The following ARFGEF3 variants were observed in gnomAD, a reference collection of about 807,000 sequenced individuals.
The protein encoded by ARFGEF3 is ARFGEF family member 3.
ARFGEF3 carries 96 observed loss-of-function variants against 221.7 expected under a neutral mutation model. The ratio of observed to expected loss-of-function variants is 0.43; its 90% CI spans 0.37 to 0.51. The LOEUF (loss-of-function observed/expected upper bound fraction) is 0.51. Among genes scored for constraint, ARFGEF3 ranks in the 20% least tolerant of loss-of-function variants. ARFGEF3 has a pLI of 0.00. For missense variants in ARFGEF3, 2,410 were observed against 2,789.9 expected (o/e 0.86, Z 3.07); for synonymous variants, 1,145 against 1,126.8 (o/e 1.02, Z -0.32).
rs374452864 is a variant in ARFGEF3, at chr6:138,263,097, G to T, written c.1614G>T (p.Ser538=). 53 of 1,613,684 alleles carry T rather than the reference G, an allele frequency of 3.3e-5. No homozygotes were observed. The South Asian group carries it at 5.1e-4, about 15-fold the overall frequency. ...GAAACCACAAGAACAGTCTCAAGTCGCCAGCCATCCCAGAGGGTAAGGAGA... is the reference window on the plus strand; with the variant it reads ...GAAACCACAAGAACAGTCTCAAGTCTCCAGCCATCCCAGAGGGTAAGGAGA... ...HSGNHKNSLK[S]PAIPEGKETL... is the part of the protein sequence containing the mutation. The change falls in exon 12 of 34, where the codon TCG becomes TCT. Residue 538 remains serine, a synonymous_variant. Transcript: ENST00000251691.
intron 9 of ARFGEF3, among the ~76,000 whole-genome samples, chr6:138,254,418 C>CAA (rs565207623): frequency 9.4e-6 from 1 of 106,114 alleles, no homozygotes; most frequent in Admixed American, 9.7e-5. Context: ...GACTCTGTCC[C>CAA]AAAAAAAAAA....
chr6:138,274,061 C>T (rs1779050949), intron 12 of ARFGEF3, among the ~76,000 whole-genome samples: 1 of 152,204 alleles, frequency 6.6e-6, no homozygotes, highest in African/African-American at 2.4e-5. Context: ...GGCTTCCTCA[C>T]TTCTCTGCTG....
At chr6:138,187,832 C>A (rs527255564) in intron 2 of ARFGEF3, among the ~76,000 whole-genome samples, 2 of 152,258 alleles carry the variant, frequency 1.3e-5, no homozygotes, top group East Asian at 3.9e-4. Context: ...AGTCACCCTA[C>A]TAAAAAGGCA....
At chr6:138,168,399 C>T (rs1048457822) in intron 1 of ARFGEF3, among the ~76,000 whole-genome samples, 5 of 152,208 alleles carry the variant, frequency 3.3e-5, no homozygotes, top group African/African-American at 1.2e-4. Flanking sequence ...AGCAAGGAGC[C>T]AGGGGGCTGG....
intron 22 of ARFGEF3, among the ~76,000 whole-genome samples, chr6:138,302,648 T>C (rs1235830016): frequency 1.3e-5 from 2 of 152,208 alleles, no homozygotes; most frequent in Non-Finnish European, 2.9e-5. Context: ...AGAGAAAGAC[T>C]ACATTACTAC....
chr6:138,206,175 A>G (rs1054655330), intron 2 of ARFGEF3, among the ~76,000 whole-genome samples: 9 of 152,222 alleles, frequency 5.9e-5, no homozygotes, highest in African/African-American at 2.2e-4. Context: ...GTGCCAGTGT[A>G]ACTCCATAGG....
chr6:138,323,632 C>G, intron 29 of ARFGEF3, 39 bp from the exon 30 acceptor site: 1 of 1,528,794 alleles, frequency 6.5e-7, no homozygotes, highest in South Asian at 1.1e-5. Context: ...ACAACAACAA[C>G]AACAAAAAAA....
Position 138,287,175 on chromosome 6 carries a change from A to G in ARFGEF3, c.2887A>G (p.Ile963Val). The G allele has an allele frequency of 6.4e-7, 1 of 1,561,466 alleles. No homozygotes were observed. The highest frequency in any genetic ancestry group is 1.9e-5 in the Admixed American group (1 of 52,018). The stretch of plus-strand genomic sequence containing the variant: ...GGAGGCCCAAGAACCCAGTGATGCC[A>G]TCACACAAGGTAACAACTGGAGGGC... ...EREAQEPSDAITQVKLKVEQK... is the reference protein window; with the variant it reads ...EREAQEPSDAVTQVKLKVEQK... Residue 963 changes from isoleucine (I) to valine (V), a missense_variant, in exon 17 of 34, where the codon ATC becomes GTC. Ile to Val is a conservative substitution (Grantham distance 29, BLOSUM62 3). Transcript: ENST00000251691.
intron 12 of ARFGEF3, among the ~76,000 whole-genome samples, chr6:138,268,299 G>A (rs1562374092): frequency 2.6e-5 from 4 of 152,196 alleles, no homozygotes. Context: ...AACTCCCTGA[G>A]TTATAAACCC....
At chr6:138,174,096 G>A (rs1776891844) in intron 2 of ARFGEF3, among the ~76,000 whole-genome samples, 2 of 152,048 alleles carry the variant, frequency 1.3e-5, no homozygotes, top group South Asian at 4.1e-4. Flanking sequence ...AGAGAATGAA[G>A]ATATACAAAA....
intron 14 of ARFGEF3, 72 bp from the exon 15 acceptor site, chr6:138,285,874 T>C (rs1779277924): frequency 1.2e-6 from 1 of 827,538 alleles, no homozygotes; most frequent in East Asian, 2.5e-5. Context: ...AAATGAATAT[T>C]GTGGTGGCCA....
intron 27 of ARFGEF3, 49 bp downstream of exon 27, chr6:138,317,428 T>C: frequency 1.2e-6 from 2 of 1,609,126 alleles, no homozygotes; most frequent in Middle Eastern, 1.7e-4. Context: ...TACATGTAAC[T>C]CTTTTCAAGA....
intron 4 of ARFGEF3, 142 bp downstream of exon 4, chr6:138,210,183 A>T: frequency 1.3e-6 from 1 of 776,820 alleles, no homozygotes; most frequent in South Asian, 2.1e-5. Context: ...ATTCTTGCTC[A>T]TGGTCCCCCT....
chr6:138,252,737 T>C (rs914345638), intron 8 of ARFGEF3, among the ~76,000 whole-genome samples: 1 of 152,188 alleles, frequency 6.6e-6, no homozygotes, highest in Non-Finnish European at 1.5e-5. Context: ...TATAAGCAAG[T>C]TTTTCCTTTT....
rs6905283 is a variant in ARFGEF3 at position 138,296,962 on chromosome 6, A to C, written c.3648+7A>C. On this transcript the variant is annotated splice_region_variant and intron_variant, in intron 21 of 33. Transcript: ENST00000251691. ...GGCCCCACACCTGGTGGAGGTGAGC[A>C]CTGGGAAGGTGGGAAGAGGCTGGAA... is the stretch of plus-strand genomic sequence containing the variant. The C allele has an allele frequency of 0.012, 19,352 of 1,609,038 alleles. 220 individuals carry two copies. The highest frequency in any genetic ancestry group is 0.053 in the African/African-American group (3,984 of 74,844).
chr6:138,227,043 G>C (rs1039176623), intron 4 of ARFGEF3, among the ~76,000 whole-genome samples: 1 of 144,894 alleles, frequency 6.9e-6, no homozygotes. Flanking sequence ...GGTTGATTTT[G>C]TTTTTTTTTT....
chr6:138,259,195 G>T (rs1261439161), intron 10 of ARFGEF3, among the ~76,000 whole-genome samples: 1 of 152,200 alleles, frequency 6.6e-6, no homozygotes, highest in Non-Finnish European at 1.5e-5. Flanking sequence ...AATGTGCAGG[G>T]CTTGTGCACA....
intron 1 of ARFGEF3, among the ~76,000 whole-genome samples, chr6:138,163,993 C>T (rs1776670587): frequency 6.6e-6 from 1 of 152,134 alleles, no homozygotes; most frequent in Non-Finnish European, 1.5e-5. Context: ...GCTATGGGTT[C>T]CTTCTTTCCG....
rs563917786 is a variant in ARFGEF3 at position 138,215,272 on chromosome 6, G to A, written c.351+5231G>A. On this transcript the variant is annotated intron_variant, in intron 4 of 33. Transcript: ENST00000251691. Reference sequence around the variant, plus strand: ...CGAATGGAATTATGGCTGGCTGTTCGCCTCTGTAAGCATGTGGGAGATGTG... The same window carrying A: ...CGAATGGAATTATGGCTGGCTGTTCACCTCTGTAAGCATGTGGGAGATGTG... 3.9e-5 allele frequency among the ~76,000 whole-genome samples: 6 copies of A among 152,252 alleles called. No individual in the cohort carries two copies. In the South Asian group the frequency reaches 6.2e-4, roughly 16 times the overall value.
Sources: allele counts gnomAD v4.1 joint callset (sites outside exome capture counted in the v4.1 genomes callset), GRCh38; gene constraint gnomAD v4.1.1; transcripts MANE v1.5; gene names NCBI Gene and HGNC (gene_info 2026-07-23, HGNC 2026-07-21).